GPC5: variants seen among roughly 807,000 people sequenced by gnomAD.
GPC5 encodes glypican-5.
GPC5 carries 47 observed loss-of-function variants against 53.9 expected under a neutral mutation model. The observed-to-expected ratio is 0.87, with a 90% CI of 0.69 to 1.11. The LOEUF is 1.11. Ranked by LOEUF, GPC5 falls within the 50% of genes most tolerant of loss-of-function variation. The probability of loss-of-function intolerance (pLI) is 0.00; values close to 1 mark genes in which losing one functional copy is unlikely to be tolerated. For missense variants in GPC5, 748 were observed against 713.1 expected (o/e 1.05, Z -0.56); for synonymous variants, 286 against 263.3 (o/e 1.09, Z -0.84).
At chr13:91,953,994 T>G (rs1365518999) in intron 6 of GPC5, among the ~76,000 whole-genome samples, 2 of 152,178 alleles carry the variant, frequency 1.3e-5, no homozygotes, top group African/African-American at 4.8e-5. Context: ...CATGAACAAT[T>G]ACATACACAT....
chr13:92,440,864 TG>T (rs1463839299), intron 7 of GPC5, among the ~76,000 whole-genome samples: 1 of 152,212 alleles, frequency 6.6e-6, no homozygotes, highest in Non-Finnish European at 1.5e-5. Context: ...TTCTTATGTT[TG>T]TTGGCCACTT....
chr13:92,520,866 G>C (rs1325275031), intron 7 of GPC5, among the ~76,000 whole-genome samples: 1 of 152,178 alleles, frequency 6.6e-6, no homozygotes, highest in Admixed American at 6.5e-5. Flanking sequence ...TGACATGATT[G>C]TGTAGTTAGA....
intron 2 of GPC5, among the ~76,000 whole-genome samples, chr13:91,482,168 A>G (rs1883337410): frequency 6.6e-6 from 1 of 152,194 alleles, no homozygotes; most frequent in Non-Finnish European, 1.5e-5. Flanking sequence ...GGGCCTAATA[A>G]GAAGTATTTA....
rs183067755 is a variant in GPC5 at position 92,359,889 on chromosome 13, G to A, written c.1561+214900G>A. ...AAATTTGACATGAGATTGGGGTAGGGACACAAATTCAAACCATATCACTCA... is the reference window on the plus strand; with the variant it reads ...AAATTTGACATGAGATTGGGGTAGGAACACAAATTCAAACCATATCACTCA... On this transcript the variant is annotated intron_variant, in intron 7 of 7. Transcript: ENST00000377067. 5.6e-3 allele frequency among the ~76,000 whole-genome samples: 852 copies of A among 151,762 alleles called. 4 individuals carry two copies. Among genetic ancestry groups the A allele is most frequent in the Non-Finnish European group, 8.9e-3 (603 of 68,010 alleles).
intron 7 of GPC5, among the ~76,000 whole-genome samples, chr13:92,727,288 G>A (rs1453416241): frequency 6.6e-6 from 1 of 151,416 alleles, no homozygotes; most frequent in Middle Eastern, 3.2e-3. Context: ...ATGAAATTTA[G>A]TCTAATCTTT....
chr13:91,680,426 G>A (rs1165488105), intron 2 of GPC5, among the ~76,000 whole-genome samples: 1 of 152,164 alleles, frequency 6.6e-6, no homozygotes, highest in Non-Finnish European at 1.5e-5. Flanking sequence ...TCCAGCCTGG[G>A]CGACAGAGCA....
intron 2 of GPC5, among the ~76,000 whole-genome samples, chr13:91,493,539 T>G (rs1216354311): frequency 6.6e-6 from 1 of 152,144 alleles, no homozygotes; most frequent in African/African-American, 2.4e-5. Flanking sequence ...TTCTACTGTC[T>G]ATCTCCATGA....
intron 7 of GPC5, among the ~76,000 whole-genome samples, chr13:92,647,962 A>C (rs1186588725): frequency 6.6e-6 from 1 of 152,102 alleles, no homozygotes; most frequent in African/African-American, 2.4e-5. Context: ...TATGATTTAC[A>C]TGGTACTGCA....
chr13:91,690,039 A>G (rs1253072583), intron 2 of GPC5, among the ~76,000 whole-genome samples: 1 of 152,186 alleles, frequency 6.6e-6, no homozygotes, highest in Non-Finnish European at 1.5e-5. Context: ...AACATGTAAT[A>G]TGTTGGACTA....
chr13:91,882,782 G>A (rs957128149), intron 5 of GPC5, among the ~76,000 whole-genome samples: 1 of 129,900 alleles, frequency 7.7e-6, no homozygotes, highest in Non-Finnish European at 1.6e-5. Flanking sequence ...TTTAACTTTT[G>A]TGAACTTGCT....
Position 91,668,784 on chromosome 13 carries a change from A to G in GPC5, c.326-24403A>G, listed in dbSNP as rs545200434. Among the ~76,000 whole-genome samples the G allele has an allele frequency of 3.9e-5, 6 of 152,330 alleles. No homozygotes were observed. The East Asian group carries it at 1.2e-3, about 29-fold the overall frequency. On this transcript the variant is annotated intron_variant, in intron 2 of 7. Coordinates refer to ENST00000377067, the MANE Select transcript of GPC5 (RefSeq NM_004466.6). ...TTGTGCAAAAACCTTTAGCACCCTG[A>G]GAATCCTAATATAAGCAATAAAATA...
At chr13:91,715,188 A>G (rs1792266017) in intron 3 of GPC5, among the ~76,000 whole-genome samples, 1 of 152,214 alleles carries the variant, frequency 6.6e-6, no homozygotes, top group African/African-American at 2.4e-5. Flanking sequence ...GGTGTCTCAC[A>G]GAAAGCTGCT....
chr13:91,716,815 A>G (rs534237971), intron 3 of GPC5, among the ~76,000 whole-genome samples: 6 of 152,226 alleles, frequency 3.9e-5, no homozygotes, highest in Non-Finnish European at 7.3e-5. Context: ...TGAGTACTCT[A>G]GGAAAGGAGC....
intron 5 of GPC5, among the ~76,000 whole-genome samples, chr13:91,878,773 A>G (rs2039232286): frequency 6.6e-6 from 1 of 152,178 alleles, no homozygotes; most frequent in African/African-American, 2.4e-5. Context: ...CTCCCCAGCC[A>G]TGTGGAACTG....
chr13:92,671,361 G>C (rs1445520094), intron 7 of GPC5, among the ~76,000 whole-genome samples: 1 of 152,148 alleles, frequency 6.6e-6, no homozygotes, highest in Non-Finnish European at 1.5e-5. Context: ...TGCTTTAAAA[G>C]TATACATAAT....
At chr13:91,423,647 A>G (rs1374622448) in intron 1 of GPC5, among the ~76,000 whole-genome samples, 2 of 152,192 alleles carry the variant, frequency 1.3e-5, no homozygotes, top group African/African-American at 4.8e-5. Context: ...AGGAGGAATA[A>G]GTTCTAGGGA....
chr13:91,585,592 T>C (rs974843188), intron 2 of GPC5, among the ~76,000 whole-genome samples: 1 of 152,066 alleles, frequency 6.6e-6, no homozygotes, highest in Admixed American at 6.6e-5. Context: ...GCAAAAAAAA[T>C]CTGTGGCGTT....
At chr13:92,558,308 T>G (rs1882570581) in intron 7 of GPC5, among the ~76,000 whole-genome samples, 1 of 152,050 alleles carries the variant, frequency 6.6e-6, no homozygotes, top group South Asian at 2.1e-4. Flanking sequence ...TGTTCTTCAT[T>G]CTTTAAAGTT....
chr13:92,441,423 C>A (rs1594205109), intron 7 of GPC5, among the ~76,000 whole-genome samples: 1 of 152,136 alleles, frequency 6.6e-6, no homozygotes, highest in South Asian at 2.1e-4. Context: ...TGAAATGATT[C>A]TATACTAAGA....
Sources: gnomAD v4.1 joint callset for allele counts (sites outside exome capture counted in the v4.1 genomes callset) on GRCh38, gnomAD v4.1.1 for gene constraint, MANE v1.5 for transcripts, NCBI Gene and HGNC (gene_info 2026-07-23, HGNC 2026-07-21) for gene names.